The following TTC3 variants were observed in gnomAD, a reference collection of about 807,000 sequenced individuals.
TTC3 encodes tetratricopeptide repeat domain 3.
TTC3 carries 180 observed loss-of-function variants against 249.6 expected under a neutral mutation model. The observed-to-expected ratio is 0.72, with a 90% confidence interval of 0.64 to 0.82. The LOEUF (loss-of-function observed/expected upper bound fraction) is 0.82, where lower values mean the gene tolerates loss of function less well. TTC3 is among the 40% of genes least tolerant of loss of function. The pLI, the probability that TTC3 is intolerant of heterozygous loss-of-function variation, is 0.00. For missense variants in TTC3, 2,061 were observed against 2,398.4 expected (o/e 0.86, Z 2.94); for synonymous variants, 717 against 805.0 (o/e 0.89, Z 1.85).
chr21:37,148,652 A>G lies in TTC3; in HGVS notation c.2118+5A>G. 1 of 1,559,740 alleles carries G rather than the reference A, an allele frequency of 6.4e-7. No individual in the cohort carries two copies. Among genetic ancestry groups the G allele is most frequent in the Non-Finnish European group, 8.7e-7 (1 of 1,152,492 alleles). Reference sequence around the variant, plus strand: ...TTTAATGATAAAATTGACAAGGTAAAGCATAACAGGATTGTCTGAATTTTT... The same window carrying G: ...TTTAATGATAAAATTGACAAGGTAAGGCATAACAGGATTGTCTGAATTTTT... On this transcript the variant is annotated splice_donor_5th_base_variant and intron_variant, in intron 23 of 45. Coordinates refer to ENST00000355666, the Ensembl canonical transcript of TTC3.
At chr21:37,164,330 T>A in intron 32 of TTC3, 115 bp downstream of exon 32, 1 of 1,066,446 alleles carries the variant, frequency 9.4e-7, no homozygotes, top group Non-Finnish European at 1.3e-6. Context: ...TTACACAAAG[T>A]TAATTTAGGA....
Position 37,187,155 on chromosome 21 carries a change from T to C in TTC3, c.4923+10T>C, listed in dbSNP as rs776396289. On this transcript the variant is annotated intron_variant, in intron 38 of 45. Coordinates refer to ENST00000355666, the Ensembl canonical transcript of TTC3. ...AGCTGTGGCTGCAGAGGTGAGTCCA[T>C]GACACTTAGTGACCACTATGGCATT... 5.8e-6 allele frequency: 9 copies of C among 1,541,830 alleles called. No homozygotes were observed. In the East Asian group the frequency reaches 2.1e-4, roughly 35 times the overall value.
intron 17 of TTC3, among the ~76,000 whole-genome samples, chr21:37,134,148 C>T (rs2077712546): frequency 6.6e-6 from 1 of 152,070 alleles, no homozygotes; most frequent in Non-Finnish European, 1.5e-5. Context: ...AACTTTGATT[C>T]ATTGGTTCAA....
chr21:37,165,441 A>T, intron 32 of TTC3, 109 bp from the exon 33 acceptor site: 2 of 787,550 alleles, frequency 2.5e-6, no homozygotes, highest in Non-Finnish European at 2.1e-6. Flanking sequence ...GGTTGAGATC[A>T]GTGAAAAGTG....
chr21:37,178,497 G>A (rs1018784065), intron 35 of TTC3, among the ~76,000 whole-genome samples: 20 of 152,128 alleles, frequency 1.3e-4, no homozygotes, highest in African/African-American at 4.1e-4. Context: ...CTCCTAATGG[G>A]TATGGAGTGG....
exon 11 of TTC3, chr21:37,108,402 G>A (rs755159251): frequency 3.4e-5 from 55 of 1,610,438 alleles, no homozygotes; most frequent in African/African-American, 1.3e-4. Flanking sequence ...AAATGCACTC[G>A]GTGATGGAAA....
chr21:37,096,946 G>T (rs2074005286), intron 10 of TTC3: 2 of 225,408 alleles, frequency 8.9e-6, no homozygotes, highest in South Asian at 2.4e-4. Context: ...TGACCAAAGT[G>T]TACCACTAGT....
intron 12 of TTC3, among the ~76,000 whole-genome samples, chr21:37,122,373 G>A (rs772509242): frequency 1.4e-5 from 2 of 146,498 alleles, no homozygotes; most frequent in Admixed American, 7.1e-5. Context: ...TGATGTTTCC[G>A]CACCATTTGT....
At chr21:37,142,758 A>G (rs1257308372) in intron 20 of TTC3, among the ~76,000 whole-genome samples, 1 of 152,224 alleles carries the variant, frequency 6.6e-6, no homozygotes, top group East Asian at 1.9e-4. Context: ...TAAAGTTCAT[A>G]TGGAACCAAA....
intron 1 of TTC3, chr21:37,082,445 A>C: frequency 1.0e-6 from 1 of 978,256 alleles, no homozygotes; most frequent in Non-Finnish European, 1.2e-6. Context: ...TTGAGAGTCT[A>C]ATTTGAGGAT....
In TTC3 at chr21:37,106,732, A is replaced by G. The variant is rs2075116739; in HGVS notation, c.846-1660A>G. Among the ~76,000 whole-genome samples the G allele has an allele frequency of 1.3e-5, 2 of 152,182 alleles. 1 individual carries two copies. The highest frequency in any genetic ancestry group is 4.1e-4 in the South Asian group (2 of 4,822). The stretch of plus-strand genomic sequence containing the variant: ...GGACCGTGTCTCTACAAAAAAATTC[A>G]AAAATTAGCCAGAAATTAGCTAGGC... On this transcript the variant is annotated intron_variant, in intron 10 of 45. Coordinates refer to ENST00000355666, the Ensembl canonical transcript of TTC3.
chr21:37,097,998 G>A (rs997040145), intron 10 of TTC3: 1 of 708,040 alleles, frequency 1.4e-6, no homozygotes, highest in African/African-American at 1.8e-5. Flanking sequence ...CAACCACCTT[G>A]GAGAATACCG....
At chr21:37,083,326 A>G in intron 1 of TTC3, 1 of 985,430 alleles carries the variant, frequency 1.0e-6, no homozygotes, top group South Asian at 4.7e-5. Flanking sequence ...ATATTAGGGA[A>G]GTTGGACTTT....
chr21:37,136,085 G>C (rs2077908574), intron 18 of TTC3, among the ~76,000 whole-genome samples: 1 of 152,090 alleles, frequency 6.6e-6, no homozygotes, highest in Admixed American at 6.5e-5. Context: ...ATGTAAGAAA[G>C]GGAACTTAAT....
chr21:37,163,554 T>C (rs1240821636), intron 31 of TTC3, among the ~76,000 whole-genome samples: 3 of 152,180 alleles, frequency 2.0e-5, no homozygotes, highest in Non-Finnish European at 2.9e-5. Flanking sequence ...TTTTCCATGT[T>C]GATCAGGCTG....
rs147422584 is a variant in TTC3 at position 37,159,351 on chromosome 21, G to A, written c.2993-348G>A. 1.6e-3 allele frequency among the ~76,000 whole-genome samples: 251 copies of A among 152,274 alleles called. 2 individuals are homozygous for A. The highest frequency in any genetic ancestry group is 1.8e-3 in the African/African-American group (76 of 41,556). ...TTGTGTTTCACGTGGTCCTTAGCAC[G>A]CTGGGTTACAGGAGTTTGTCTGTTT... On this transcript the variant is annotated intron_variant, in intron 28 of 45. Coordinates refer to ENST00000355666, the Ensembl canonical transcript of TTC3.
chr21:37,076,214 C>CTTA (rs1412563399), intron 1 of TTC3, among the ~76,000 whole-genome samples: 1 of 152,076 alleles, frequency 6.6e-6, no homozygotes, highest in African/African-American at 2.4e-5. Context: ...CTGGGACTTG[C>CTTA]TTATTTCACT....
At chr21:37,103,294 C>T (rs2074702458) in intron 10 of TTC3, among the ~76,000 whole-genome samples, 1 of 152,200 alleles carries the variant, frequency 6.6e-6, no homozygotes, top group Admixed American at 6.5e-5. Context: ...TAAGTTGGAG[C>T]ACCTGGACTA....
chr21:37,167,510 G>T, intron 33 of TTC3, 45 bp from the exon 34 acceptor site: 2 of 1,445,304 alleles, frequency 1.4e-6, no homozygotes, highest in South Asian at 2.4e-5. Flanking sequence ...TATTTTACTA[G>T]AGCGATTGAG....
Sources: gnomAD v4.1 joint callset for allele counts (sites outside exome capture counted in the v4.1 genomes callset) on GRCh38, gnomAD v4.1.1 for gene constraint, MANE v1.5 for transcripts, NCBI Gene and HGNC (gene_info 2026-07-23, HGNC 2026-07-21) for gene names.